The following PDZRN4 variants were observed in gnomAD, a reference collection of about 807,000 sequenced individuals.
PDZRN4 encodes PDZ domain containing ring finger 4.
Under a neutral mutation model 99.0 loss-of-function variants are expected in PDZRN4, and 70 were observed. That is an observed-to-expected ratio of 0.71 (90% CI 0.58 to 0.86). The LOEUF (loss-of-function observed/expected upper bound fraction) is 0.86, where lower values mean the gene tolerates loss of function less well. PDZRN4 is among the 40% of genes least tolerant of loss of function. The pLI, the probability that PDZRN4 is intolerant of heterozygous loss-of-function variation, is 0.00. For missense variants in PDZRN4, 1,474 were observed against 1,331.2 expected, an observed-to-expected ratio of 1.11 and a Z score of -1.67; for synonymous variants, 551 against 501.6, an observed-to-expected ratio of 1.10 and a Z score of -1.32.
rs539223151 is a variant in PDZRN4, at chr12:41,569,359, G to A, written c.1584+1460G>A. On this transcript the variant is annotated intron_variant, in intron 9 of 9. Coordinates refer to ENST00000402685, the MANE Select transcript of PDZRN4 (RefSeq NM_001164595.2). ...GTTCTCGAACTCCTGACCTCAAGTG[G>A]TCCACCAGCCTCAGCTTCTTAAAGT... Among the ~76,000 whole-genome samples, 46 of 151,484 alleles carry A rather than the reference G, an allele frequency of 3.0e-4. No homozygotes were observed. In the South Asian group the frequency reaches 9.2e-3, roughly 30 times the overall value.
At chr12:41,496,111 G>A (rs964671741) in intron 3 of PDZRN4, among the ~76,000 whole-genome samples, 1 of 152,070 alleles carries the variant, frequency 6.6e-6, no homozygotes, top group Non-Finnish European at 1.5e-5. Flanking sequence ...GTTCAAATGG[G>A]GATAACATAC....
chr12:41,573,325 A>G lies in PDZRN4; in HGVS notation c.2546A>G (p.His849Arg). Reference protein sequence around the residue: ...RYANIPAHARHYQSYMQLIQQ... With the variant: ...RYANIPAHARRYQSYMQLIQQ... ...GCAAACATCCCAGCACACGCCCGGC[A>G]TTATCAAAGCTACATGCAGTTAATT... The change falls in exon 10 of 10, where the codon CAT becomes CGT. Residue 849 changes from histidine (H) to arginine (R), a missense_variant. By Grantham distance (29) the His-to-Arg change is conservative. Transcript: ENST00000402685. The G allele has an allele frequency of 6.2e-7, 1 of 1,613,340 alleles. No individual in the cohort carries two copies. Among genetic ancestry groups the G allele is most frequent in the South Asian group, 1.1e-5 (1 of 91,078 alleles).
At chr12:41,312,356 C>T (rs765577972) in intron 3 of PDZRN4, among the ~76,000 whole-genome samples, 5 of 151,702 alleles carry the variant, frequency 3.3e-5, no homozygotes, top group Admixed American at 6.6e-5. Flanking sequence ...ATGTGGCAAA[C>T]GTTGGGTTTG....
intron 3 of PDZRN4, among the ~76,000 whole-genome samples, chr12:41,397,078 G>T (rs1468633635): frequency 2.0e-5 from 3 of 152,000 alleles, no homozygotes; most frequent in African/African-American, 7.2e-5. Flanking sequence ...ATTTTTAAGT[G>T]GTGTGTCTAG....
At chr12:41,497,548 A>G (rs1456705319) in intron 3 of PDZRN4, among the ~76,000 whole-genome samples, 2 of 152,084 alleles carry the variant, frequency 1.3e-5, no homozygotes, top group Non-Finnish European at 2.9e-5. Flanking sequence ...CATCAGTGGG[A>G]TCTTCTCCAA....
At chr12:41,570,597 TA>T (rs1337596483) in intron 9 of PDZRN4, among the ~76,000 whole-genome samples, 4 of 152,136 alleles carry the variant, frequency 2.6e-5, no homozygotes, top group African/African-American at 7.2e-5. Context: ...AGAAAAAAAT[TA>T]CTAGTCTTCT....
chr12:41,406,645 G>C (rs531907568), intron 3 of PDZRN4, among the ~76,000 whole-genome samples: 2 of 152,046 alleles, frequency 1.3e-5, no homozygotes, highest in African/African-American at 4.8e-5. Flanking sequence ...TGTAATCCCA[G>C]CACTTTGGGA....
chr12:41,501,696 T>C (rs975856412), intron 3 of PDZRN4, among the ~76,000 whole-genome samples: 1 of 152,182 alleles, frequency 6.6e-6, no homozygotes, highest in Non-Finnish European at 1.5e-5. Context: ...TAATGGGAAA[T>C]AATAACTTTT....
intron 3 of PDZRN4, among the ~76,000 whole-genome samples, chr12:41,485,586 T>C (rs558098280): frequency 2.0e-5 from 3 of 152,160 alleles, no homozygotes; most frequent in Non-Finnish European, 4.4e-5. Context: ...CCTGCTCTGT[T>C]TTATTTCTAT....
intron 3 of PDZRN4, among the ~76,000 whole-genome samples, chr12:41,234,795 G>A (rs568181425): frequency 1.3e-5 from 2 of 152,176 alleles, no homozygotes; most frequent in African/African-American, 4.8e-5. Flanking sequence ...CCTGAAATTG[G>A]AGATGGTTAC....
chr12:41,219,943 G>C (rs1950943127), intron 3 of PDZRN4, among the ~76,000 whole-genome samples: 2 of 152,108 alleles, frequency 1.3e-5, no homozygotes, highest in Non-Finnish European at 2.9e-5. Context: ...GTCTGACTCT[G>C]CTCACGGGGA....
intron 3 of PDZRN4, among the ~76,000 whole-genome samples, chr12:41,361,743 A>G (rs1051727848): frequency 1.3e-5 from 2 of 152,054 alleles, no homozygotes; most frequent in African/African-American, 4.8e-5. Flanking sequence ...TTGATTTAGT[A>G]CCTTTAATGT....
intron 3 of PDZRN4, among the ~76,000 whole-genome samples, chr12:41,463,482 CT>C (rs895291980): frequency 6.6e-6 from 1 of 151,872 alleles, no homozygotes; most frequent in Non-Finnish European, 1.5e-5. Context: ...CCCTAAGACT[CT>C]TTTTTCCCTC....
At chr12:41,269,525 A>G (rs1249245524) in intron 3 of PDZRN4, among the ~76,000 whole-genome samples, 2 of 152,174 alleles carry the variant, frequency 1.3e-5, no homozygotes, top group Non-Finnish European at 2.9e-5. Flanking sequence ...AACACTTCTG[A>G]TCTAAACTAA....
intron 3 of PDZRN4, chr12:41,411,554 T>C (rs1325685698): frequency 6.6e-6 from 1 of 152,172 alleles, no homozygotes; most frequent in African/African-American, 2.4e-5. Context: ...TGGGCACTCA[T>C]CAACAAAAGC....
chr12:41,499,244 G>T (rs1352991149), intron 3 of PDZRN4, among the ~76,000 whole-genome samples: 1 of 152,084 alleles, frequency 6.6e-6, no homozygotes, highest in Non-Finnish European at 1.5e-5. Context: ...TGAGGCAGGG[G>T]TGCCAAGACA....
At chr12:41,387,206 C>A (rs1433308584) in intron 3 of PDZRN4, among the ~76,000 whole-genome samples, 1 of 152,004 alleles carries the variant, frequency 6.6e-6, no homozygotes, top group Non-Finnish European at 1.5e-5. Context: ...AATATTTTTT[C>A]AAACTATTCC....
At chr12:41,253,512 A>G (rs1385454451) in intron 3 of PDZRN4, among the ~76,000 whole-genome samples, 1 of 152,334 alleles carries the variant, frequency 6.6e-6, no homozygotes, top group East Asian at 1.9e-4. Context: ...GAGGATGTGG[A>G]GAAAGGGGAA....
chr12:41,344,324 C>T (rs1320666093), intron 3 of PDZRN4, among the ~76,000 whole-genome samples: 1 of 152,014 alleles, frequency 6.6e-6, no homozygotes, highest in Non-Finnish European at 1.5e-5. Flanking sequence ...CTTGCCTGGA[C>T]AGTTCATTAT....
Sources: gnomAD v4.1 joint callset for allele counts (sites outside exome capture counted in the v4.1 genomes callset) on GRCh38, gnomAD v4.1.1 for gene constraint, MANE v1.5 for transcripts, NCBI Gene and HGNC (gene_info 2026-07-23, HGNC 2026-07-21) for gene names.